The following SRPK2 variants were observed in gnomAD, a reference collection of about 807,000 sequenced individuals.
The protein encoded by SRPK2 is SFRS protein kinase 2.
In SRPK2, 21 loss-of-function variants were observed where a neutral mutation model predicts 90.8. The ratio of observed to expected loss-of-function variants is 0.23; its 90% confidence interval spans 0.16 to 0.33. SRPK2 has a LOEUF of 0.33. Ranked by LOEUF, SRPK2 falls within the 10% of genes least tolerant of loss-of-function variation. The pLI is 1.00. For missense variants in SRPK2, 620 were observed against 869.0 expected (o/e 0.71, Z 3.60); for synonymous variants, 288 against 311.1 (o/e 0.93, Z 0.78).
At chr7:105,233,059 G>A (rs937040191) in intron 2 of SRPK2, among the ~76,000 whole-genome samples, 6 of 146,096 alleles carry the variant, frequency 4.1e-5, no homozygotes, top group Non-Finnish European at 9.1e-5. Flanking sequence ...AGAGAGGGAG[G>A]GAGCAAGGAA....
upstream of SRPK2, among the ~76,000 whole-genome samples, chr7:105,392,973 C>T (rs531386808): frequency 1.7e-4 from 25 of 151,416 alleles, no homozygotes; most frequent in South Asian, 3.4e-3. Flanking sequence ...CCACCACACC[C>T]GGCTAATTTT....
At chr7:105,308,642 C>A (rs182555156) in intron 2 of SRPK2, among the ~76,000 whole-genome samples, 2 of 152,294 alleles carry the variant, frequency 1.3e-5, no homozygotes, top group African/African-American at 4.8e-5. Context: ...ACACCTAAAG[C>A]TTTAATGTAT....
At chr7:105,296,479 T>TA (rs550398929) in intron 2 of SRPK2, among the ~76,000 whole-genome samples, 18 of 152,078 alleles carry the variant, frequency 1.2e-4, no homozygotes, top group South Asian at 4.2e-4. Context: ...TATAAGATTT[T>TA]AAAAAAAAGT....
At chr7:105,371,930 C>T (rs908376799) in intron 2 of SRPK2, among the ~76,000 whole-genome samples, 1 of 151,900 alleles carries the variant, frequency 6.6e-6, no homozygotes, top group African/African-American at 2.4e-5. Flanking sequence ...GTCAGGAGAT[C>T]GAGACCATTC....
chr7:105,393,466 T>C (rs1250451100), upstream of SRPK2, among the ~76,000 whole-genome samples: 5 of 141,254 alleles, frequency 3.5e-5, no homozygotes, highest in South Asian at 2.2e-4. Flanking sequence ...TTTCTTTTTT[T>C]TTTTTTTTTT....
At chr7:105,198,892 C>T (rs1795229310) in intron 3 of SRPK2, among the ~76,000 whole-genome samples, 1 of 152,086 alleles carries the variant, frequency 6.6e-6, no homozygotes, top group African/African-American at 2.4e-5. Context: ...GGTTTTGAAC[C>T]AAGGCTCAGG....
intron 2 of SRPK2, among the ~76,000 whole-genome samples, chr7:105,353,621 C>T (rs1264722371): frequency 2.6e-5 from 4 of 152,066 alleles, no homozygotes; most frequent in Non-Finnish European, 5.9e-5. Flanking sequence ...CTTCTTTGGC[C>T]TCCCAAAGTG....
chr7:105,164,772 T>C (rs1193398392), intron 6 of SRPK2, among the ~76,000 whole-genome samples: 1 of 152,212 alleles, frequency 6.6e-6, no homozygotes, highest in African/African-American at 2.4e-5. Context: ...AAACTGGATG[T>C]CATTTTGGAG....
At chr7:105,359,314 A>G (rs1032051555) in intron 2 of SRPK2, among the ~76,000 whole-genome samples, 1 of 151,828 alleles carries the variant, frequency 6.6e-6, no homozygotes, top group African/African-American at 2.4e-5. Flanking sequence ...GCATGCCACC[A>G]TGTCCAGCTA....
chr7:105,241,553 G>A (rs994525974), intron 2 of SRPK2, among the ~76,000 whole-genome samples: 1 of 152,072 alleles, frequency 6.6e-6, no homozygotes, highest in Non-Finnish European at 1.5e-5. Context: ...TTTATTATAA[G>A]GATAAGGAAA....
intron 2 of SRPK2, among the ~76,000 whole-genome samples, chr7:105,291,282 G>C (rs943633516): frequency 6.6e-6 from 1 of 152,140 alleles, no homozygotes; most frequent in Non-Finnish European, 1.5e-5. Context: ...AATAAAATGA[G>C]GTATGCCTGT....
At chr7:105,373,758 T>C (rs1819976782) in intron 2 of SRPK2, among the ~76,000 whole-genome samples, 1 of 152,148 alleles carries the variant, frequency 6.6e-6, no homozygotes, top group East Asian at 1.9e-4. Flanking sequence ...ACCATCCTCT[T>C]TCCTGCAGTA....
upstream of SRPK2, chr7:105,389,394 C>G (rs766180692): frequency 8.0e-7 from 1 of 1,247,060 alleles, no homozygotes; most frequent in Non-Finnish European, 1.0e-6. Flanking sequence ...TCCTCTCCGG[C>G]AGGCGTGGAA....
chr7:105,305,290 T>C (rs1342486731), intron 2 of SRPK2, among the ~76,000 whole-genome samples: 2 of 151,970 alleles, frequency 1.3e-5, no homozygotes, highest in Non-Finnish European at 2.9e-5. Flanking sequence ...AAACACAAAA[T>C]TAGCCGGGTA....
intron 2 of SRPK2, among the ~76,000 whole-genome samples, chr7:105,359,722 G>A (rs972479801): frequency 6.6e-6 from 1 of 152,006 alleles, no homozygotes; most frequent in Non-Finnish European, 1.5e-5. Context: ...ATCCACATCT[G>A]GAAACCGTTC....
At chr7:105,396,587 C>T (rs1331002548) in intron 1 of SRPK2, among the ~76,000 whole-genome samples, 1 of 151,342 alleles carries the variant, frequency 6.6e-6, no homozygotes, top group African/African-American at 2.4e-5. Flanking sequence ...GCTGAGATTG[C>T]GCCACTGCAC....
chr7:105,335,924 C>G (rs1329703730), intron 2 of SRPK2, among the ~76,000 whole-genome samples: 1 of 151,850 alleles, frequency 6.6e-6, no homozygotes, highest in African/African-American at 2.4e-5. Flanking sequence ...CCATTGCATT[C>G]CAGCCTGGGC....
At chr7:105,268,298 T>C (rs1021481262) in intron 2 of SRPK2, among the ~76,000 whole-genome samples, 1 of 152,194 alleles carries the variant, frequency 6.6e-6, no homozygotes, top group Non-Finnish European at 1.5e-5. Flanking sequence ...TCTTACAGAA[T>C]GTGACTAATC....
At chr7:105,215,561 G>C (rs1313934212) in intron 2 of SRPK2, among the ~76,000 whole-genome samples, 2 of 152,154 alleles carry the variant, frequency 1.3e-5, no homozygotes, top group African/African-American at 4.8e-5. Context: ...CTTTCTTATA[G>C]CCTAAAGTAG....
Sources: gnomAD v4.1 joint callset for allele counts (sites outside exome capture counted in the v4.1 genomes callset) on GRCh38, gnomAD v4.1.1 for gene constraint, MANE v1.5 for transcripts, NCBI Gene and HGNC (gene_info 2026-07-23, HGNC 2026-07-21) for gene names.